The following RGL1 variants were observed in gnomAD, a reference collection of about 807,000 sequenced individuals.
RGL1 encodes ral guanine nucleotide dissociation stimulator like 1.
Under a neutral mutation model 95.2 loss-of-function variants are expected in RGL1, and 24 were observed. That is an observed-to-expected ratio of 0.25 (90% confidence interval 0.18 to 0.35). The LOEUF is 0.35. Ranked by LOEUF, RGL1 falls within the 10% of genes least tolerant of loss-of-function variation. The pLI is 1.00. For missense variants in RGL1, 715 were observed against 936.3 expected (o/e 0.76, Z 3.08); for synonymous variants, 329 against 344.9 (o/e 0.95, Z 0.51).
At chr1:183,716,360 A>G (rs1655626114) in intron 1 of RGL1, among the ~76,000 whole-genome samples, 2 of 152,320 alleles carry the variant, frequency 1.3e-5, no homozygotes, top group African/African-American at 4.8e-5. Context: ...ATCATAAAAG[A>G]AGTTTATTTC....
rs145678270 is a variant in RGL1, at chr1:183,654,546, C to T, written c.-33+18045C>T. Among the ~76,000 whole-genome samples, 798 of 152,300 alleles carry T rather than the reference C, an allele frequency of 5.2e-3. 5 individuals carry two copies. The highest frequency in any genetic ancestry group is 0.018 in the African/African-American group (753 of 41,564). ...CATGTTGGGGTTTTTCTCCCGCTAG[C>T]TGAAGAATCAAGTTCTGAGGGCCTG... is the stretch of plus-strand genomic sequence containing the variant. On this transcript the variant is annotated intron_variant, in intron 1 of 18. Transcript: ENST00000304685.
chr1:183,809,782 CTAAAAA>C (rs1295067475), intron 2 of RGL1, among the ~76,000 whole-genome samples: 2 of 152,036 alleles, frequency 1.3e-5, no homozygotes, highest in Non-Finnish European at 1.5e-5. Flanking sequence ...CCTGTCTCTA[CTAAAAA>C]TAAAAATAAA....
chr1:183,830,669 G>GA (rs1663198589), intron 2 of RGL1, among the ~76,000 whole-genome samples: 1 of 92,538 alleles, frequency 1.1e-5, no homozygotes, highest in South Asian at 5.0e-4. Flanking sequence ...ATCTTGTTGG[G>GA]AAAAGAATTC....
At chr1:183,906,390 A>G (rs1483648955) in intron 13 of RGL1, among the ~76,000 whole-genome samples, 1 of 152,144 alleles carries the variant, frequency 6.6e-6, no homozygotes, top group Non-Finnish European at 1.5e-5. Flanking sequence ...TTTTTAATTT[A>G]GGAAGTTTTG....
intron 2 of RGL1, among the ~76,000 whole-genome samples, chr1:183,753,330 T>C (rs1226056530): frequency 6.6e-6 from 1 of 152,238 alleles, no homozygotes; most frequent in African/African-American, 2.4e-5. Flanking sequence ...AAAAATCTTC[T>C]AGTCATTTTT....
chr1:183,910,657 T>C (rs1396469223), intron 14 of RGL1, among the ~76,000 whole-genome samples: 1 of 152,224 alleles, frequency 6.6e-6, no homozygotes, highest in Non-Finnish European at 1.5e-5. Flanking sequence ...TCTTTATCTT[T>C]TGATGATGAT....
chr1:183,684,881 C>A (rs1470658738), intron 1 of RGL1, among the ~76,000 whole-genome samples: 1 of 152,110 alleles, frequency 6.6e-6, no homozygotes, highest in African/African-American at 2.4e-5. Context: ...TGAGAGGACG[C>A]CCCCACCCTG....
chr1:183,736,147 T>C (rs527672483), intron 1 of RGL1, among the ~76,000 whole-genome samples: 1 of 152,354 alleles, frequency 6.6e-6, no homozygotes, highest in South Asian at 2.1e-4. Flanking sequence ...AAAGAGGCTA[T>C]TTTAATATCA....
Position 183,657,926 on chromosome 1 carries a change from A to G in RGL1, c.-33+21425A>G, listed in dbSNP as rs10911393. Among the ~76,000 whole-genome samples, 109 of 152,302 alleles carry G rather than the reference A, an allele frequency of 7.2e-4. 1 individual carries two copies. The highest frequency in any genetic ancestry group is 2.5e-3 in the African/African-American group (104 of 41,558). On this transcript the variant is annotated intron_variant, in intron 1 of 18. Transcript: ENST00000304685. ...CCACCAACAGTGTAAAAGTGTTTCA[A>G]TTTCTCCACATCCTCTCCAGCACCT...
intron 2 of RGL1, among the ~76,000 whole-genome samples, chr1:183,744,070 G>A (rs1341770850): frequency 6.6e-6 from 1 of 152,140 alleles, no homozygotes; most frequent in Non-Finnish European, 1.5e-5. Flanking sequence ...GGAGAGAGGA[G>A]CTCATTGCCA....
intron 2 of RGL1, among the ~76,000 whole-genome samples, chr1:183,797,386 T>A (rs186612416): frequency 5.5e-4 from 84 of 152,342 alleles, no homozygotes; most frequent in Admixed American, 4.1e-3. Flanking sequence ...TTTGCCATCA[T>A]GGCCGGAGGA....
At chr1:183,765,160 G>A (rs1658899392) in intron 2 of RGL1, among the ~76,000 whole-genome samples, 1 of 152,182 alleles carries the variant, frequency 6.6e-6, no homozygotes, top group Non-Finnish European at 1.5e-5. Context: ...CAAGGTATGA[G>A]GCATCTTTCT....
At chr1:183,658,937 A>T (rs1012786610) in intron 1 of RGL1, among the ~76,000 whole-genome samples, 17 of 151,850 alleles carry the variant, frequency 1.1e-4, no homozygotes, top group African/African-American at 4.1e-4. Flanking sequence ...GCTGGTACCC[A>T]GGCAAACAGG....
At chr1:183,736,332 A>G (rs1037850901) in intron 1 of RGL1, among the ~76,000 whole-genome samples, 5 of 152,196 alleles carry the variant, frequency 3.3e-5, no homozygotes, top group Admixed American at 6.5e-5. Flanking sequence ...AGGGAGGTGA[A>G]TGCTTTACTT....
intron 1 of RGL1, among the ~76,000 whole-genome samples, chr1:183,731,475 A>G (rs1656626605): frequency 6.6e-6 from 1 of 152,212 alleles, no homozygotes; most frequent in South Asian, 2.1e-4. Flanking sequence ...GCTTTGGTAG[A>G]AAAGGTAGCA....
intron 1 of RGL1, among the ~76,000 whole-genome samples, chr1:183,707,147 G>A (rs1654968767): frequency 6.6e-6 from 1 of 152,040 alleles, no homozygotes; most frequent in Admixed American, 6.6e-5. Context: ...CCCAGTGGGG[G>A]GCCTGGTTGG....
chr1:183,878,449 C>T (rs1195655810), intron 4 of RGL1, among the ~76,000 whole-genome samples: 3 of 152,098 alleles, frequency 2.0e-5, no homozygotes, highest in Non-Finnish European at 4.4e-5. Context: ...AATCCTGTCT[C>T]AGCCTCCCAA....
intron 1 of RGL1, among the ~76,000 whole-genome samples, chr1:183,696,058 T>G (rs1177195095): frequency 6.6e-6 from 1 of 152,170 alleles, no homozygotes; most frequent in Non-Finnish European, 1.5e-5. Context: ...TATTCATTTT[T>G]CCTCTTCTCT....
intron 1 of RGL1, among the ~76,000 whole-genome samples, chr1:183,662,461 A>G (rs1271962073): frequency 3.3e-5 from 5 of 152,068 alleles, no homozygotes; most frequent in African/African-American, 9.7e-5. Context: ...CCCATTCACA[A>G]TTGCTTCAAA....
Sources: allele counts gnomAD v4.1 joint callset (sites outside exome capture counted in the v4.1 genomes callset), GRCh38; gene constraint gnomAD v4.1.1; transcripts MANE v1.5; gene names NCBI Gene and HGNC (gene_info 2026-07-23, HGNC 2026-07-21).